Variants in KDM4C observed in about 807,000 individuals in gnomAD.
KDM4C encodes the protein lysine demethylase 4C.
In KDM4C, 81 loss-of-function variants were observed where a neutral mutation model predicts 129.3. The ratio of observed to expected loss-of-function variants is 0.63; its 90% confidence interval spans 0.52 to 0.75. The LOEUF (loss-of-function observed/expected upper bound fraction) is 0.75, where lower values mean the gene tolerates loss of function less well. Ranked by LOEUF, KDM4C falls within the 30% of genes least tolerant of loss-of-function variation. The probability of loss-of-function intolerance (pLI) is 0.00; values close to 1 mark genes in which losing one functional copy is unlikely to be tolerated. For synonymous variants in KDM4C, 573 were observed against 456.1 expected, an observed-to-expected ratio of 1.26 and a Z score of -3.26; for missense variants, 1,457 against 1,304.0, an observed-to-expected ratio of 1.12 and a Z score of -1.81.
At chr9:7,119,217 A>G (rs1019124680) in intron 18 of KDM4C, among the ~76,000 whole-genome samples, 13 of 152,246 alleles carry the variant, frequency 8.5e-5, no homozygotes, top group African/African-American at 2.9e-4. Flanking sequence ...CAGTATATAC[A>G]AGCACCATTA....
intron 5 of KDM4C, among the ~76,000 whole-genome samples, chr9:6,858,919 A>G (rs1840423651): frequency 6.6e-6 from 1 of 151,918 alleles, no homozygotes; most frequent in East Asian, 1.9e-4. Context: ...AAATGCATGC[A>G]ATTTAATATT....
intron 5 of KDM4C, among the ~76,000 whole-genome samples, chr9:6,866,707 T>C (rs1842036444): frequency 6.6e-6 from 1 of 152,068 alleles, no homozygotes; most frequent in African/African-American, 2.4e-5. Context: ...TATTCTAGTG[T>C]AGAAACCGTG....
intron 5 of KDM4C, among the ~76,000 whole-genome samples, chr9:6,860,801 G>C (rs1840788114): frequency 6.6e-6 from 1 of 152,134 alleles, no homozygotes; most frequent in African/African-American, 2.4e-5. Flanking sequence ...ATGTTAAAAT[G>C]ATCTCAACAT....
At chr9:6,746,061 C>A (rs1010058864) in intron 1 of KDM4C, among the ~76,000 whole-genome samples, 1 of 151,156 alleles carries the variant, frequency 6.6e-6, no homozygotes. Context: ...CTGCCTCAGC[C>A]TCCCAAAGTG....
intron 17 of KDM4C, among the ~76,000 whole-genome samples, chr9:7,054,519 A>G (rs1830613757): frequency 6.6e-6 from 1 of 152,230 alleles, no homozygotes; most frequent in South Asian, 2.1e-4. Flanking sequence ...GGGACTTTAG[A>G]GATAACAAAT....
chr9:6,878,055 TGAGCAA>T (rs1843838413), intron 5 of KDM4C, among the ~76,000 whole-genome samples: 1 of 152,236 alleles, frequency 6.6e-6, no homozygotes, highest in African/African-American at 2.4e-5. Flanking sequence ...GGGTTCACTT[TGAGCAA>T]GATAATGACT....
chr9:6,826,999 C>T (rs561589681), intron 4 of KDM4C, among the ~76,000 whole-genome samples: 40 of 152,200 alleles, frequency 2.6e-4, no homozygotes, highest in Admixed American at 1.4e-3. Flanking sequence ...ATGACAGCTC[C>T]TGATCTTGTG....
At chr9:6,923,425 G>A (rs765608350) in intron 8 of KDM4C, among the ~76,000 whole-genome samples, 1 of 151,990 alleles carries the variant, frequency 6.6e-6, no homozygotes, top group South Asian at 2.1e-4. Flanking sequence ...TCTTATGAGC[G>A]CAGCTTGAAT....
upstream of KDM4C, among the ~76,000 whole-genome samples, chr9:6,757,194 G>C (rs1232385620): frequency 6.6e-6 from 1 of 152,224 alleles, no homozygotes; most frequent in Non-Finnish European, 1.5e-5. Context: ...AACTTATCTA[G>C]TCTCAGACGC....
chr9:6,759,897 C>T (rs1486725725), intron 1 of KDM4C, among the ~76,000 whole-genome samples: 2 of 148,782 alleles, frequency 1.3e-5, no homozygotes, highest in Admixed American at 1.3e-4. Flanking sequence ...GCCGAGATGG[C>T]ACCACTGCAC....
chr9:7,065,571 G>GTA (rs1359171986), intron 17 of KDM4C, among the ~76,000 whole-genome samples: 1 of 152,122 alleles, frequency 6.6e-6, no homozygotes, highest in Admixed American at 6.5e-5. Context: ...TCTGGCAAAG[G>GTA]TATAATTTTA....
intron 11 of KDM4C, among the ~76,000 whole-genome samples, chr9:6,988,005 T>TA (rs954157994): frequency 1.8e-4 from 27 of 148,200 alleles, no homozygotes; most frequent in African/African-American, 5.7e-4. Context: ...AAAAAAAAAA[T>TA]AAAAAAAAAT....
At chr9:7,063,149 A>C (rs1164564239) in intron 17 of KDM4C, among the ~76,000 whole-genome samples, 2 of 152,254 alleles carry the variant, frequency 1.3e-5, no homozygotes, top group Non-Finnish European at 2.9e-5. Flanking sequence ...TATCATAACC[A>C]TGAGATTTTG....
chr9:7,081,257 G>A (rs2132938336), intron 17 of KDM4C, among the ~76,000 whole-genome samples: 1 of 152,248 alleles, frequency 6.6e-6, no homozygotes, highest in East Asian at 1.9e-4. Flanking sequence ...GATATGGGGT[G>A]GACTTCAGGA....
At chr9:7,002,457 C>G (rs535737716) in intron 12 of KDM4C, among the ~76,000 whole-genome samples, 1 of 152,142 alleles carries the variant, frequency 6.6e-6, no homozygotes, top group East Asian at 1.9e-4. Context: ...GAACATGAGA[C>G]TTTTACTGTG....
At chr9:6,741,902 AC>A (rs2130263544) in intron 1 of KDM4C, among the ~76,000 whole-genome samples, 1 of 151,298 alleles carries the variant, frequency 6.6e-6, no homozygotes, top group East Asian at 1.9e-4. Flanking sequence ...ACACACACAC[AC>A]ACACACAAAT....
chr9:6,919,288 T>TC (rs1491129464), intron 8 of KDM4C, among the ~76,000 whole-genome samples: 3 of 113,914 alleles, frequency 2.6e-5, no homozygotes, highest in African/African-American at 1.0e-4. Context: ...TCTCTCTCTC[T>TC]TTCTTTCTTT....
intron 17 of KDM4C, among the ~76,000 whole-genome samples, chr9:7,094,297 T>C (rs1368913404): frequency 6.6e-6 from 1 of 152,244 alleles, no homozygotes; most frequent in African/African-American, 2.4e-5. Context: ...TACTACCTTT[T>C]GTCCATTCCT....
intron 1 of KDM4C, among the ~76,000 whole-genome samples, chr9:6,780,704 G>A (rs1282322158): frequency 7.7e-6 from 1 of 130,564 alleles, no homozygotes; most frequent in Non-Finnish European, 1.6e-5. Flanking sequence ...GGAGGTAGAG[G>A]TTGCAGTGAG....
Sources: gnomAD v4.1 joint callset for allele counts (sites outside exome capture counted in the v4.1 genomes callset) on GRCh38, gnomAD v4.1.1 for gene constraint, MANE v1.5 for transcripts, NCBI Gene and HGNC (gene_info 2026-07-23, HGNC 2026-07-21) for gene names.